The following GALNT17 variants were observed in gnomAD, a reference collection of about 807,000 sequenced individuals.
GALNT17 encodes the protein UDP-GalNAc:polypeptide N-acetylgalactosaminyltransferase-like 3.
In GALNT17, 29 loss-of-function variants were observed where a neutral mutation model predicts 63.7. The ratio of observed to expected loss-of-function variants is 0.46; its 90% CI spans 0.34 to 0.62. GALNT17 has a LOEUF of 0.62. Among genes scored for constraint, GALNT17 ranks in the 20% least tolerant of loss-of-function variants. GALNT17 has a pLI of 0.01. For synonymous variants in GALNT17, 305 were observed against 318.3 expected, an observed-to-expected ratio of 0.96 and a Z score of 0.45; for missense variants, 603 against 799.6, an observed-to-expected ratio of 0.75 and a Z score of 2.97.
At chr7:71,375,441 G>A (rs1040222653) in intron 2 of GALNT17, among the ~76,000 whole-genome samples, 3 of 152,056 alleles carry the variant, frequency 2.0e-5, no homozygotes, top group Non-Finnish European at 4.4e-5. Flanking sequence ...TTCAGAGATG[G>A]TCTCGCTCTG....
chr7:71,642,436 GC>G (rs1284001311), intron 6 of GALNT17, among the ~76,000 whole-genome samples: 1 of 152,148 alleles, frequency 6.6e-6, no homozygotes, highest in Non-Finnish European at 1.5e-5. Context: ...CCAAAAGCAG[GC>G]CCCCAAGGTA....
chr7:71,245,247 C>T (rs981305982), intron 1 of GALNT17, among the ~76,000 whole-genome samples: 5 of 152,122 alleles, frequency 3.3e-5, no homozygotes, highest in Non-Finnish European at 7.4e-5. Context: ...TCTAACCCCA[C>T]ACATGATCTA....
chr7:71,144,135 T>C (rs2116182416), intron 1 of GALNT17, among the ~76,000 whole-genome samples: 1 of 152,232 alleles, frequency 6.6e-6, no homozygotes, highest in South Asian at 2.1e-4. Flanking sequence ...CTCCCACTTC[T>C]CTTACACCTT....
At chr7:71,498,057 G>A (rs1788124239) in intron 5 of GALNT17, among the ~76,000 whole-genome samples, 1 of 152,240 alleles carries the variant, frequency 6.6e-6, no homozygotes, top group East Asian at 1.9e-4. Flanking sequence ...GAATTCAGAC[G>A]TGAATGTCCG....
At chr7:71,562,634 C>G (rs947364037) in intron 5 of GALNT17, among the ~76,000 whole-genome samples, 1 of 152,118 alleles carries the variant, frequency 6.6e-6, no homozygotes, top group African/African-American at 2.4e-5. Context: ...AGGCAGAGCT[C>G]AGGCGGTAAT....
intron 1 of GALNT17, among the ~76,000 whole-genome samples, chr7:71,213,902 A>G (rs1789427136): frequency 6.6e-6 from 1 of 152,192 alleles, no homozygotes; most frequent in Non-Finnish European, 1.5e-5. Context: ...GTATTACTGA[A>G]CCAAATTGCT....
chr7:71,687,807 G>T (rs1012236210), intron 9 of GALNT17, among the ~76,000 whole-genome samples: 6 of 152,150 alleles, frequency 3.9e-5, no homozygotes, highest in African/African-American at 1.2e-4. Context: ...GGTGCAGTCA[G>T]CTCACTGCAA....
At chr7:71,543,595 T>C (rs560249076) in intron 5 of GALNT17, among the ~76,000 whole-genome samples, 32 of 152,208 alleles carry the variant, frequency 2.1e-4, no homozygotes, top group South Asian at 2.1e-3. Flanking sequence ...GGCTGTGATA[T>C]CCACAAGCTC....
intron 3 of GALNT17, among the ~76,000 whole-genome samples, chr7:71,412,663 C>T (rs2116425243): frequency 6.6e-6 from 1 of 152,300 alleles, no homozygotes; most frequent in Non-Finnish European, 1.5e-5. Context: ...AGCTGCCTAC[C>T]CCAGAATGTC....
intron 2 of GALNT17, among the ~76,000 whole-genome samples, chr7:71,371,505 G>C (rs537261426): frequency 2.6e-5 from 4 of 151,994 alleles, no homozygotes; most frequent in Non-Finnish European, 5.9e-5. Flanking sequence ...TGCTCTTTGA[G>C]TTTTCATTAT....
intron 1 of GALNT17, among the ~76,000 whole-genome samples, chr7:71,176,278 A>G (rs546353552): frequency 6.6e-6 from 1 of 152,246 alleles, no homozygotes; most frequent in African/African-American, 2.4e-5. Flanking sequence ...AGCCAGGCAC[A>G]AGTTCAGGAG....
chr7:71,428,485 G>A (rs571140135), intron 5 of GALNT17, among the ~76,000 whole-genome samples: 1 of 152,236 alleles, frequency 6.6e-6, no homozygotes, highest in South Asian at 2.1e-4. Context: ...TGTCACCCAA[G>A]CTGGAATGCA....
chr7:71,603,020 T>C (rs1461123678), intron 6 of GALNT17, among the ~76,000 whole-genome samples: 18 of 152,136 alleles, frequency 1.2e-4, no homozygotes, highest in Non-Finnish European at 2.9e-5. Flanking sequence ...GATACTGTGC[T>C]AAGTGCATAT....
intron 5 of GALNT17, among the ~76,000 whole-genome samples, chr7:71,504,226 CAA>C (rs573686607): frequency 1.2e-4 from 13 of 105,134 alleles, no homozygotes; most frequent in South Asian, 6.1e-4. Context: ...GACTCCATCT[CAA>C]AAAAAAAAAA....
At chr7:71,214,552 A>C (rs965977877) in intron 1 of GALNT17, among the ~76,000 whole-genome samples, 7 of 150,412 alleles carry the variant, frequency 4.7e-5, no homozygotes, top group Non-Finnish European at 1.0e-4. Flanking sequence ...CTCCCAGGGC[A>C]CATTTTTCTG....
At chr7:71,593,887 T>C (rs1789848709) in intron 6 of GALNT17, among the ~76,000 whole-genome samples, 2 of 152,198 alleles carry the variant, frequency 1.3e-5, no homozygotes, top group South Asian at 4.1e-4. Context: ...TTTAGACTTT[T>C]CTTTTTCTAA....
chr7:71,580,360 A>G (rs901742493), intron 6 of GALNT17, among the ~76,000 whole-genome samples: 2 of 151,812 alleles, frequency 1.3e-5, no homozygotes, highest in Non-Finnish European at 2.9e-5. Context: ...GATTAGACAG[A>G]TGATATATAA....
intron 1 of GALNT17, among the ~76,000 whole-genome samples, chr7:71,321,881 T>TCCTG: frequency 1.5e-5 from 1 of 66,748 alleles, no homozygotes; most frequent in African/African-American, 6.5e-5. Context: ...CTTCCTTCCT[T>TCCTG]CCTTCCTTCC....
At chr7:71,162,050 T>C (rs1457407228) in intron 1 of GALNT17, among the ~76,000 whole-genome samples, 1 of 103,082 alleles carries the variant, frequency 9.7e-6, no homozygotes. Flanking sequence ...CTCCCTCCCT[T>C]CCTCCCTTTC....
Sources: gnomAD v4.1 joint callset for allele counts (sites outside exome capture counted in the v4.1 genomes callset) on GRCh38, gnomAD v4.1.1 for gene constraint, MANE v1.5 for transcripts, NCBI Gene and HGNC (gene_info 2026-07-23, HGNC 2026-07-21) for gene names.